Variants in SLC25A13 observed in about 807,000 individuals in gnomAD.
SLC25A13 encodes electrogenic aspartate/glutamate antiporter SLC25A13, mitochondrial.
A neutral mutation model predicts 85.5 loss-of-function variants in SLC25A13; 70 were observed. The observed-to-expected ratio is 0.82, with a 90% CI of 0.68 to 1.00. The LOEUF (loss-of-function observed/expected upper bound fraction) is 1.00. SLC25A13 is among the 50% of genes least tolerant of loss of function. The pLI, the probability that SLC25A13 is intolerant of heterozygous loss-of-function variation, is 0.00. For missense variants in SLC25A13, 765 were observed against 819.8 expected (o/e 0.93, Z 0.82); for synonymous variants, 259 against 288.7 (o/e 0.90, Z 1.04).
At chr7:96,124,001 A>G (rs1791624751) in intron 15 of SLC25A13, among the ~76,000 whole-genome samples, 1 of 152,230 alleles carries the variant, frequency 6.6e-6, no homozygotes. Context: ...GTCCCTCAGC[A>G]GGAAAGGGAC....
intron 5 of SLC25A13, among the ~76,000 whole-genome samples, chr7:96,193,996 AG>A (rs1554350415): frequency 6.6e-6 from 1 of 152,216 alleles, no homozygotes; most frequent in Non-Finnish European, 1.5e-5. Context: ...TGTACACAAA[AG>A]AAAACAGCCT....
chr7:96,285,720 TATATA>T (rs1798860523), intron 2 of SLC25A13, among the ~76,000 whole-genome samples: 1 of 152,182 alleles, frequency 6.6e-6, no homozygotes, highest in Non-Finnish European at 1.5e-5. Context: ...TCTGGTCTCT[TATATA>T]AAATCTGAGC....
chr7:96,309,695 G>T (rs2117022763), intron 1 of SLC25A13: 2 of 152,196 alleles, frequency 1.3e-5, no homozygotes, highest in South Asian at 4.1e-4. Context: ...TCAAAATCTA[G>T]GAGGAAACAA....
chr7:96,279,277 A>T (rs1191524351), intron 2 of SLC25A13, among the ~76,000 whole-genome samples: 1 of 152,246 alleles, frequency 6.6e-6, no homozygotes, highest in Non-Finnish European at 1.5e-5. Context: ...TTGAGTGTAT[A>T]GAATTTTTTT....
chr7:96,152,641 C>T (rs1793095516), intron 13 of SLC25A13, among the ~76,000 whole-genome samples: 1 of 152,042 alleles, frequency 6.6e-6, no homozygotes, highest in South Asian at 2.1e-4. Flanking sequence ...GGATGAGAGA[C>T]ACAGATGAGG....
chr7:96,182,771 T>C (rs1189166524), intron 11 of SLC25A13, among the ~76,000 whole-genome samples: 1 of 152,170 alleles, frequency 6.6e-6, no homozygotes, highest in African/African-American at 2.4e-5. Context: ...AAAAATCAAC[T>C]TAAGCAAATT....
intron 9 of SLC25A13, among the ~76,000 whole-genome samples, chr7:96,185,779 A>G (rs1794617736): frequency 6.6e-6 from 1 of 151,686 alleles, no homozygotes; most frequent in Admixed American, 6.6e-5. Flanking sequence ...AGGCGCCTGT[A>G]GTCCCAGCTA....
At chr7:96,177,887 G>A (rs1794286124) in intron 11 of SLC25A13, among the ~76,000 whole-genome samples, 1 of 152,088 alleles carries the variant, frequency 6.6e-6, no homozygotes, top group Non-Finnish European at 1.5e-5. Context: ...AATTCTCTGC[G>A]GTACCAGTTT....
At chr7:96,166,112 G>A (rs1339139781) in intron 13 of SLC25A13, among the ~76,000 whole-genome samples, 6 of 152,126 alleles carry the variant, frequency 3.9e-5, no homozygotes, top group African/African-American at 1.2e-4. Flanking sequence ...AGTCTCACCA[G>A]TCCCTTTTAG....
intron 2 of SLC25A13, among the ~76,000 whole-genome samples, chr7:96,292,768 T>G (rs1035822437): frequency 6.6e-6 from 1 of 152,204 alleles, no homozygotes; most frequent in Non-Finnish European, 1.5e-5. Flanking sequence ...CACTGCTCAA[T>G]GAAATAAAAG....
chr7:96,179,395 CT>C (rs1794338566), intron 11 of SLC25A13, among the ~76,000 whole-genome samples: 1 of 152,186 alleles, frequency 6.6e-6, no homozygotes, highest in South Asian at 2.1e-4. Context: ...ACACGTCTAT[CT>C]TTTTGTCATA....
intron 13 of SLC25A13, among the ~76,000 whole-genome samples, chr7:96,166,096 A>C (rs1459415576): frequency 2.6e-5 from 4 of 152,232 alleles, no homozygotes; most frequent in African/African-American, 9.6e-5. Context: ...TTTTCCCAAC[A>C]GTGTTAGTCT....
At chr7:96,131,577 A>T (rs1170090623) in intron 15 of SLC25A13, among the ~76,000 whole-genome samples, 166 bp downstream of exon 15, 3 of 152,234 alleles carry the variant, frequency 2.0e-5, no homozygotes, top group African/African-American at 7.2e-5. Flanking sequence ...GCCAGAATGA[A>T]GATTAATTTT....
chr7:96,198,514 C>G lies in SLC25A13; in HGVS notation c.469-5331G>C, dbSNP rs147551214. Among the ~76,000 whole-genome samples the G allele has an allele frequency of 1.6e-3, 237 of 152,300 alleles. 3 individuals carry two copies. Among genetic ancestry groups the G allele is most frequent in the African/African-American group, 5.6e-3 (231 of 41,578 alleles). On this transcript the variant is annotated intron_variant, in intron 5 of 17. Coordinates refer to ENST00000265631, the MANE Select transcript of SLC25A13 (RefSeq NM_014251.3). ...CTTCAAAGACAGCATTTCACTTAAGCCTCACAATACTTCTGTGAAGTAATG... is the reference window on the plus strand; with the variant it reads ...CTTCAAAGACAGCATTTCACTTAAGGCTCACAATACTTCTGTGAAGTAATG...
At chr7:96,314,269 G>A (rs1054688149) in intron 1 of SLC25A13, among the ~76,000 whole-genome samples, 5 of 152,068 alleles carry the variant, frequency 3.3e-5, no homozygotes, top group Non-Finnish European at 5.9e-5. Context: ...GAAAGAAAGG[G>A]TAGGACACAG....
chr7:96,133,806 C>G (rs1209295264), intron 14 of SLC25A13, among the ~76,000 whole-genome samples: 1 of 151,862 alleles, frequency 6.6e-6, no homozygotes, highest in East Asian at 2.0e-4. Flanking sequence ...ACTTTAATCC[C>G]AGCTACTCGG....
intron 12 of SLC25A13, among the ~76,000 whole-genome samples, chr7:96,171,110 C>T (rs947503471): frequency 2.0e-5 from 3 of 152,126 alleles, no homozygotes; most frequent in South Asian, 2.1e-4. Context: ...TACTTAAGCC[C>T]GATAGGCCTC....
At chr7:96,252,951 G>A (rs1013784417) in intron 3 of SLC25A13, among the ~76,000 whole-genome samples, 3 of 152,046 alleles carry the variant, frequency 2.0e-5, no homozygotes, top group African/African-American at 7.2e-5. Flanking sequence ...AAAATTATCT[G>A]GGCATGGTGC....
intron 13 of SLC25A13, chr7:96,166,915 T>C (rs1793774557): frequency 6.6e-6 from 1 of 152,044 alleles, no homozygotes; most frequent in South Asian, 2.1e-4. Context: ...TACATATATA[T>C]ATATACCTCA....
Sources: gnomAD v4.1 joint callset for allele counts (sites outside exome capture counted in the v4.1 genomes callset) on GRCh38, gnomAD v4.1.1 for gene constraint, MANE v1.5 for transcripts, NCBI Gene and HGNC (gene_info 2026-07-23, HGNC 2026-07-21) for gene names.